Variants in BCKDHB observed in about 807,000 individuals in gnomAD.
The protein encoded by BCKDHB is 2-oxoisovalerate dehydrogenase subunit beta, mitochondrial.
Under a neutral mutation model 48.5 loss-of-function variants are expected in BCKDHB, and 41 were observed. The ratio of observed to expected loss-of-function variants is 0.85; its 90% CI spans 0.66 to 1.10. The LOEUF is 1.10. BCKDHB is among the 50% of genes least tolerant of loss of function. The pLI is 0.00. For synonymous variants in BCKDHB, 201 were observed against 174.8 expected (o/e 1.15, Z -1.18); for missense variants, 496 against 494.2 (o/e 1.00, Z -0.03).
intron 3 of BCKDHB, among the ~76,000 whole-genome samples, chr6:80,153,996 C>G (rs1004476608): frequency 2.0e-5 from 3 of 152,142 alleles, no homozygotes; most frequent in African/African-American, 7.2e-5. Context: ...CTTCCCAACT[C>G]AGAGTTTGCC....
At position 80,198,760 on chromosome 6, in the gene BCKDHB, G is replaced by A. The variant is rs1213993607; in HGVS notation, c.743-2174G>A. ...ATTATATATGCGTACACTAACATACGGTAAATATCTGAATAGATATGGAAT... is the reference window on the plus strand; with the variant it reads ...ATTATATATGCGTACACTAACATACAGTAAATATCTGAATAGATATGGAAT... On this transcript the variant is annotated intron_variant, in intron 6 of 9. Coordinates refer to ENST00000320393, the MANE Select transcript of BCKDHB (RefSeq NM_183050.4). Among the ~76,000 whole-genome samples, 7 of 152,028 alleles carry A rather than the reference G, an allele frequency of 4.6e-5. No individual in the cohort carries two copies. In the East Asian group the frequency reaches 1.3e-3, roughly 29 times the overall value.
At chr6:80,387,187 A>G in the BCKDHB span, among the ~76,000 whole-genome samples, 1 of 152,138 alleles carries the variant, frequency 6.6e-6, no homozygotes, top group South Asian at 2.1e-4. Flanking sequence ...TCTGACTTAC[A>G]GTGGGTCCAG....
the BCKDHB span, among the ~76,000 whole-genome samples, chr6:80,376,138 G>A: frequency 6.6e-6 from 1 of 152,088 alleles, no homozygotes; most frequent in East Asian, 1.9e-4. Context: ...ATGGGGCAAG[G>A]CTAGGTGTGT....
intron 5 of BCKDHB, among the ~76,000 whole-genome samples, chr6:80,170,675 A>G (rs1240672881): frequency 2.0e-5 from 3 of 152,134 alleles, no homozygotes; most frequent in Non-Finnish European, 2.9e-5. Context: ...CTTCCTTGTC[A>G]TCACCCTCAT....
At chr6:80,229,500 A>T (rs1775818014) in intron 8 of BCKDHB, among the ~76,000 whole-genome samples, 1 of 152,212 alleles carries the variant, frequency 6.6e-6, no homozygotes, top group Non-Finnish European at 1.5e-5. Flanking sequence ...ATTGTAAGAG[A>T]TGAAGTCATG....
At chr6:80,201,946 G>A (rs1262814726) in intron 7 of BCKDHB, among the ~76,000 whole-genome samples, 1 of 152,092 alleles carries the variant, frequency 6.6e-6, no homozygotes, top group Non-Finnish European at 1.5e-5. Flanking sequence ...TTTTTGGCAT[G>A]GAGAGCTAGA....
intron 8 of BCKDHB, among the ~76,000 whole-genome samples, chr6:80,219,408 T>C (rs893070609): frequency 4.6e-5 from 7 of 152,146 alleles, no homozygotes; most frequent in South Asian, 2.1e-4. Flanking sequence ...GATTTCACCA[T>C]GTTGGTCAGT....
At chr6:80,393,975 G>T in the BCKDHB span, among the ~76,000 whole-genome samples, 1 of 152,086 alleles carries the variant, frequency 6.6e-6, no homozygotes, top group African/African-American at 2.4e-5. Flanking sequence ...TTCTTTGAAG[G>T]ACATAGAATT....
chr6:80,202,835 A>G (rs1774458545), intron 7 of BCKDHB, among the ~76,000 whole-genome samples: 1 of 149,968 alleles, frequency 6.7e-6, no homozygotes, highest in Admixed American at 6.7e-5. Flanking sequence ...GACTTCATTT[A>G]CCTTCTACAT....
chr6:80,456,996 A>T, the BCKDHB span, among the ~76,000 whole-genome samples: 1 of 152,212 alleles, frequency 6.6e-6, no homozygotes, highest in Non-Finnish European at 1.5e-5. Context: ...CTGTTTTTTT[A>T]AATAATAAAT....
At chr6:80,108,852 CTG>C (rs994055974) in intron 1 of BCKDHB, among the ~76,000 whole-genome samples, 2 of 152,160 alleles carry the variant, frequency 1.3e-5, no homozygotes, top group South Asian at 2.1e-4. Flanking sequence ...GAGCAAGACT[CTG>C]TCTCAAAAAA....
intron 9 of BCKDHB, among the ~76,000 whole-genome samples, chr6:80,335,245 A>AAAAGAAG (rs59529287): frequency 9.5e-6 from 1 of 105,760 alleles, no homozygotes; most frequent in Admixed American, 1.2e-4. Context: ...AAAAAAAAAA[A>AAAAGAAG]AAGAAGAAAA....
the BCKDHB span, chr6:80,356,953 C>G: frequency 4.0e-5 from 1 of 25,246 alleles, no homozygotes. Context: ...CCCGCCCCCG[C>G]CCCCCCCCCA....
chr6:80,429,711 A>G, the BCKDHB span, among the ~76,000 whole-genome samples: 3 of 152,296 alleles, frequency 2.0e-5, no homozygotes, highest in South Asian at 6.2e-4. Flanking sequence ...TGATTTTTGC[A>G]CATTGATTTT....
chr6:80,112,415 A>G (rs1395385843), intron 1 of BCKDHB, among the ~76,000 whole-genome samples: 1 of 152,196 alleles, frequency 6.6e-6, no homozygotes, highest in East Asian at 1.9e-4. Context: ...TAACCAGGCC[A>G]ACCCTACTTA....
the BCKDHB span, among the ~76,000 whole-genome samples, chr6:80,429,536 T>C: frequency 6.6e-6 from 1 of 152,226 alleles, no homozygotes. Flanking sequence ...GTTTGTGCCC[T>C]CTCTTATTTC....
chr6:80,437,258 G>A, the BCKDHB span, among the ~76,000 whole-genome samples: 1 of 152,072 alleles, frequency 6.6e-6, no homozygotes, highest in African/African-American at 2.4e-5. Context: ...AATAGTTTAA[G>A]ATATCATTAC....
chr6:80,401,816 T>G, the BCKDHB span, among the ~76,000 whole-genome samples: 1 of 151,882 alleles, frequency 6.6e-6, no homozygotes, highest in Non-Finnish European at 1.5e-5. Flanking sequence ...CACATATAAA[T>G]TATATTATAC....
the BCKDHB span, among the ~76,000 whole-genome samples, chr6:80,399,218 A>G: frequency 8.5e-5 from 13 of 152,112 alleles, no homozygotes; most frequent in Admixed American, 4.6e-4. Context: ...TTCTTTCACT[A>G]CTATTATTAA....
Sources: allele counts gnomAD v4.1 joint callset (sites outside exome capture counted in the v4.1 genomes callset), GRCh38; gene constraint gnomAD v4.1.1; transcripts MANE v1.5; gene names NCBI Gene and HGNC (gene_info 2026-07-23, HGNC 2026-07-21).